DIPK1B: variants seen among roughly 807,000 people sequenced by gnomAD.
The protein encoded by DIPK1B is family with sequence similarity 69 member B.
In DIPK1B, 17 loss-of-function variants were observed where a neutral mutation model predicts 20.7. That is an observed-to-expected ratio of 0.82 (90% CI 0.56 to 1.23). DIPK1B has a LOEUF of 1.23. Ranked by LOEUF, DIPK1B falls within the 50% of genes most tolerant of loss-of-function variation. The pLI, the probability that DIPK1B is intolerant of heterozygous loss-of-function variation, is 0.00. For missense variants in DIPK1B, 648 were observed against 601.8 expected (o/e 1.08, Z -0.80); for synonymous variants, 343 against 276.5 (o/e 1.24, Z -2.39).
intron 1 of DIPK1B, among the ~76,000 whole-genome samples, chr9:136,714,066 G>T (rs1846462666): frequency 6.6e-6 from 1 of 152,232 alleles, no homozygotes; most frequent in Non-Finnish European, 1.5e-5. Context: ...GTCCATCTGT[G>T]CCAGGCCCGG....
rs370939134 is a variant in DIPK1B at position 136,717,675 on chromosome 9, G to C, written c.162G>C (p.Ser54=). 261 of 1,610,488 alleles carry C rather than the reference G, an allele frequency of 1.6e-4. 1 individual carries two copies. Among genetic ancestry groups the C allele is most frequent in the Non-Finnish European group, 2.1e-4 (245 of 1,179,948 alleles). ...WLVYVHYSSY[S]ERCRGHVCQV... Reference sequence around the variant, plus strand: ...TGTACGTGCACTACTCGTCCTACTCGGAGCGCTGTCGCGGCCATGTCTGCC... The same window carrying C: ...TGTACGTGCACTACTCGTCCTACTCCGAGCGCTGTCGCGGCCATGTCTGCC... Residue 54 remains serine (S), a synonymous_variant, in exon 2 of 5, where the codon TCG becomes TCC. Coordinates refer to ENST00000371692, the MANE Select transcript of DIPK1B (RefSeq NM_152421.4).
In DIPK1B at chr9:136,712,809, G is replaced by A. The variant is rs1481571022; in HGVS notation, c.63+81G>A. 3.6e-5 allele frequency: 38 copies of A among 1,043,552 alleles called. No individual in the cohort carries two copies. The highest frequency in any genetic ancestry group is 4.5e-5 in the Non-Finnish European group (37 of 816,258). The allele number at this position is 1,043,552 out of a possible 1,614,324, so 64.6% of individuals were successfully genotyped here. A position where few individuals can be genotyped will look rare whatever the true frequency, so the allele number is the denominator to read the frequency against. ...TCCAGCCCCGGAGTGGGCCGAGTAC[G>A]GAGCGGGGCCCCGGGTTCGGACACG... On this transcript the variant is annotated intron_variant, in intron 1 of 4. Coordinates refer to ENST00000371692, the MANE Select transcript of DIPK1B (RefSeq NM_152421.4). This position sits in a 1 kb window ranked among gnomAD's most constrained non-coding sequence, Gnocchi z 5.6.
At chr9:136,715,526 T>C (rs1296275686) in intron 1 of DIPK1B, among the ~76,000 whole-genome samples, 2 of 151,744 alleles carry the variant, frequency 1.3e-5, no homozygotes, top group Non-Finnish European at 1.5e-5. Flanking sequence ...ACTTTTTTTT[T>C]TTTTTTGAGA....
At chr9:136,713,443 C>T (rs1846453927) in intron 1 of DIPK1B, among the ~76,000 whole-genome samples, 1 of 152,238 alleles carries the variant, frequency 6.6e-6, no homozygotes, top group Admixed American at 6.5e-5. Flanking sequence ...CCTGGGTCAG[C>T]AGGAGGAACC....
Position 136,717,565 on chromosome 9 carries a change from CT to C in DIPK1B, c.64-10del, listed in dbSNP as rs1564307257. 1.3e-6 allele frequency: 2 copies of C among 1,597,134 alleles called. No homozygotes were observed. Among genetic ancestry groups the C allele is most frequent in the Middle Eastern group, 1.7e-4 (1 of 6,050 alleles). On this transcript the variant is annotated splice_polypyrimidine_tract_variant and intron_variant, in intron 1 of 4. Transcript: ENST00000371692. ...CCGAGGGCACCTCCTCACGCAGCCCCTTCCCCCACAGGGCCGGCTCCCAGGC... is the reference window on the plus strand; with the variant it reads ...CCGAGGGCACCTCCTCACGCAGCCCCTCCCCCACAGGGCCGGCTCCCAGGC...
chr9:136,721,880 T>C, intron 2 of DIPK1B, 41 bp from the exon 3 acceptor site: 1 of 1,570,180 alleles, frequency 6.4e-7, no homozygotes, highest in South Asian at 1.1e-5. Flanking sequence ...GGGGCAGGGG[T>C]GTGGCTGCCC....
Position 136,723,241 on chromosome 9 carries a change from G to A in DIPK1B, c.763G>A (p.Ala255Thr), listed in dbSNP as rs139139308. 10 of 1,612,154 alleles carry A rather than the reference G, an allele frequency of 6.2e-6. No homozygotes were observed. In the African/African-American group the frequency reaches 1.3e-4, roughly 22 times the overall value. ...CCTGTTGCGCCCACTGCTGCCGCCT[G>A]CCCTGCAGGGTGCTCTCCAGCAGTG... is the stretch of plus-strand genomic sequence containing the variant. The part of the protein sequence containing the change: ...PPLLRPLLPP[A>T]LQGALQQWLG... Residue 255 changes from alanine to threonine, a missense_variant, in exon 5 of 5, where the codon GCC becomes ACC. Coordinates refer to ENST00000371692, the MANE Select transcript of DIPK1B (RefSeq NM_152421.4).
Position 136,723,218 on chromosome 9 carries a change from T to C in DIPK1B, c.740T>C (p.Leu247Pro), listed in dbSNP as rs1374236902. ...GAWHAAALPP[L>P]LRPLLPPALQ... The stretch of plus-strand genomic sequence containing the variant: ...TGGCACGCGGCCGCCCTTCCACCCC[T>C]GTTGCGCCCACTGCTGCCGCCTGCC... The change falls in exon 5 of 5, where the codon CTG (leucine) becomes CCG (proline). Residue 247 changes from leucine (L) to proline (P), a missense_variant. Coordinates refer to ENST00000371692, the MANE Select transcript of DIPK1B (RefSeq NM_152421.4). 34 of 1,611,854 alleles carry C rather than the reference T, an allele frequency of 2.1e-5. No homozygotes were observed. Among genetic ancestry groups the C allele is most frequent in the Non-Finnish European group, 2.9e-5 (34 of 1,179,332 alleles).
chr9:136,719,832 C>T (rs1439378555), intron 2 of DIPK1B, among the ~76,000 whole-genome samples: 3 of 152,198 alleles, frequency 2.0e-5, no homozygotes, highest in Non-Finnish European at 4.4e-5. Flanking sequence ...GCAGGGCAGC[C>T]TCCTGCGGTC....
chr9:136,721,693 G>T, intron 2 of DIPK1B: 38 of 545,240 alleles, frequency 7.0e-5, no homozygotes, highest in South Asian at 2.9e-4. Context: ...CAGGATGGTG[G>T]GGACGGGACC....
At position 136,713,848 on chromosome 9, in the gene DIPK1B, T is replaced by A. The variant is rs1314975975; in HGVS notation, c.63+1120T>A. On this transcript the variant is annotated intron_variant, in intron 1 of 4. Transcript: ENST00000371692. The stretch of plus-strand genomic sequence containing the variant: ...GGCGAGGGCCTCAGTTTCCTGGCCT[T>A]GTGAACTGCTTTTCTGGGTTAGTGC... 1.9e-4 allele frequency among the ~76,000 whole-genome samples: 29 copies of A among 152,348 alleles called. 1 individual carries two copies.
In DIPK1B at chr9:136,722,008, T is replaced by C. The variant is rs759909032; in HGVS notation, c.286T>C (p.Ser96Pro). ...LHMVEWRTCLSVAPGQQVYSG... is the reference protein window; with the variant it reads ...LHMVEWRTCLPVAPGQQVYSG... ...TATGGTGGAGTGGAGGACCTGCCTCTCGGTGGCCCCGGGCCAGCAGGTATA... is the reference window on the plus strand; with the variant it reads ...TATGGTGGAGTGGAGGACCTGCCTCCCGGTGGCCCCGGGCCAGCAGGTATA... Residue 96 changes from serine to proline, a missense_variant, in exon 3 of 5, where the codon TCG (serine) becomes CCG (proline). Physicochemically the swap from Ser to Pro is moderately conservative, Grantham distance 74 (BLOSUM62 -1). Transcript: ENST00000371692. 9.3e-6 allele frequency: 15 copies of C among 1,612,964 alleles called. No homozygotes were observed. Among genetic ancestry groups the C allele is most frequent in the Non-Finnish European group, 1.2e-5 (14 of 1,179,910 alleles).
chr9:136,718,709 G>A (rs1469436875), intron 2 of DIPK1B, among the ~76,000 whole-genome samples: 1 of 152,206 alleles, frequency 6.6e-6, no homozygotes, highest in Non-Finnish European at 1.5e-5. Flanking sequence ...ATTGGGTGCA[G>A]GGAGACCCCA....
rs1846660887 is a variant in DIPK1B, at chr9:136,723,808, A to G, written c.*34A>G. 6.6e-7 allele frequency: 1 copy of G among 1,520,488 alleles called. No homozygotes were observed. Among genetic ancestry groups the G allele is most frequent in the Non-Finnish European group, 8.8e-7 (1 of 1,136,414 alleles). 94.2% of individuals were successfully genotyped at this position (1,520,488 alleles called of 1,614,324 possible). ...TGAGGGGCCTGGCCACCCTTCCTGG[A>G]GCTGGCCAGGTGCCAGGGTCCAACC... On this transcript the variant is annotated 3_prime_UTR_variant, in exon 5 of 5. Coordinates refer to ENST00000371692, the MANE Select transcript of DIPK1B (RefSeq NM_152421.4).
rs1846644867 is a variant in DIPK1B, at chr9:136,723,254, C to T, written c.776C>T (p.Ala259Val). The change falls in exon 5 of 5, where the codon GCT (alanine) becomes GTT (valine). Residue 259 changes from alanine (A) to valine (V), a missense_variant. Physicochemically the swap from Ala to Val is moderately conservative, Grantham distance 64. Transcript: ENST00000371692. ...CTGCTGCCGCCTGCCCTGCAGGGTG[C>T]TCTCCAGCAGTGGCTGGGGCCTGCG... is the stretch of plus-strand genomic sequence containing the variant. ...RPLLPPALQG[A>V]LQQWLGPAWP... 4.3e-6 allele frequency: 7 copies of T among 1,612,564 alleles called. No homozygotes were observed. The highest frequency in any genetic ancestry group is 1.3e-5 in the African/African-American group (1 of 75,058).
chr9:136,719,090 G>A (rs1846548327), intron 2 of DIPK1B, among the ~76,000 whole-genome samples: 1 of 151,218 alleles, frequency 6.6e-6, no homozygotes, highest in Non-Finnish European at 1.5e-5. Flanking sequence ...ATGCACCCCT[G>A]GAGCTCCTAG....
intron 4 of DIPK1B, chr9:136,722,646 C>T (rs1253262919): frequency 3.5e-6 from 2 of 564,592 alleles, no homozygotes; most frequent in South Asian, 2.2e-5. Flanking sequence ...TGCCCTCTGC[C>T]CTGTGCCGAT....
intron 2 of DIPK1B, among the ~76,000 whole-genome samples, chr9:136,720,479 C>CG (rs1846580979): frequency 6.6e-6 from 1 of 152,150 alleles, no homozygotes; most frequent in African/African-American, 2.4e-5. Flanking sequence ...CTCCCCCCCC[C>CG]AGAGGGGCGG....
chr9:136,713,103 C>T (rs985386195), intron 1 of DIPK1B, among the ~76,000 whole-genome samples: 1 of 152,194 alleles, frequency 6.6e-6, no homozygotes. Flanking sequence ...CTGGCAAGGA[C>T]ATGACCTCCC....
Sources: allele counts gnomAD v4.1 joint callset (sites outside exome capture counted in the v4.1 genomes callset), GRCh38; gene constraint gnomAD v4.1.1; non-coding constraint Gnocchi (gnomAD v3.1); transcripts MANE v1.5; gene names NCBI Gene and HGNC (gene_info 2026-07-23, HGNC 2026-07-21).